MYRIP: variants seen among roughly 807,000 people sequenced by gnomAD.
MYRIP encodes myosin VIIA and Rab interacting protein.
MYRIP carries 49 observed loss-of-function variants against 98.0 expected under a neutral mutation model. The observed-to-expected ratio is 0.50, with a 90% CI of 0.40 to 0.63. The LOEUF is 0.63. Ranked by LOEUF, MYRIP falls within the 30% of genes least tolerant of loss-of-function variation. MYRIP has a pLI of 0.00. For missense variants in MYRIP, 1,004 were observed against 1,058.2 expected (o/e 0.95, Z 0.71); for synonymous variants, 404 against 409.5 (o/e 0.99, Z 0.16).
intron 3 of MYRIP, among the ~76,000 whole-genome samples, chr3:40,129,796 A>G (rs1489884578): frequency 6.6e-6 from 1 of 152,156 alleles, no homozygotes; most frequent in African/African-American, 2.4e-5. Flanking sequence ...CCTCCTTCTC[A>G]CAACTGTATT....
chr3:40,074,080 T>G (rs542283591), intron 3 of MYRIP, among the ~76,000 whole-genome samples: 1 of 150,282 alleles, frequency 6.7e-6, no homozygotes, highest in East Asian at 1.9e-4. Flanking sequence ...TTAGAAACTT[T>G]TTTTTTTTTT....
At chr3:40,013,359 C>T (rs540870317) in intron 2 of MYRIP, among the ~76,000 whole-genome samples, 2 of 152,256 alleles carry the variant, frequency 1.3e-5, no homozygotes, top group South Asian at 2.1e-4. Flanking sequence ...CTTTTATTCC[C>T]GTGGAAGGAA....
intron 3 of MYRIP, among the ~76,000 whole-genome samples, chr3:40,103,554 C>A (rs1025133603): frequency 2.0e-5 from 3 of 152,118 alleles, no homozygotes; most frequent in African/African-American, 7.2e-5. Context: ...AGGTCAGGAG[C>A]TCGAGACCAG....
intron 2 of MYRIP, among the ~76,000 whole-genome samples, chr3:39,971,779 T>C (rs955810631): frequency 6.6e-5 from 10 of 152,108 alleles, no homozygotes; most frequent in African/African-American, 2.4e-4. Flanking sequence ...TTATTCCTTA[T>C]GACAAGCACT....
At chr3:39,998,224 G>C (rs1400053366) in intron 2 of MYRIP, among the ~76,000 whole-genome samples, 2 of 152,150 alleles carry the variant, frequency 1.3e-5, no homozygotes, top group African/African-American at 2.4e-5. Context: ...TATGCAATTA[G>C]GAAAAGAGGA....
At chr3:39,912,150 G>C (rs1944037518) in intron 2 of MYRIP, among the ~76,000 whole-genome samples, 1 of 152,080 alleles carries the variant, frequency 6.6e-6, no homozygotes, top group Admixed American at 6.6e-5. Flanking sequence ...CTCCCATTTT[G>C]TGTCAGCTTC....
At chr3:39,814,431 A>C (rs544391254) in intron 1 of MYRIP, among the ~76,000 whole-genome samples, 1 of 151,866 alleles carries the variant, frequency 6.6e-6, no homozygotes, top group South Asian at 2.1e-4. Context: ...TTACTGGCAA[A>C]ATTTTGTTTT....
intron 12 of MYRIP, among the ~76,000 whole-genome samples, chr3:40,236,719 C>T (rs901777820): frequency 1.3e-5 from 2 of 152,254 alleles, no homozygotes; most frequent in Non-Finnish European, 2.9e-5. Context: ...CATCAGTTGG[C>T]ATGGCCCTAG....
intron 11 of MYRIP, among the ~76,000 whole-genome samples, chr3:40,229,112 T>C (rs562141133): frequency 2.6e-5 from 4 of 152,218 alleles, no homozygotes; most frequent in Non-Finnish European, 5.9e-5. Context: ...ATATAGCTAC[T>C]GTTTAGAATG....
intron 1 of MYRIP, among the ~76,000 whole-genome samples, chr3:39,840,515 T>C (rs1287696890): frequency 1.3e-5 from 2 of 152,216 alleles, no homozygotes; most frequent in Non-Finnish European, 2.9e-5. Context: ...GTCATTATGA[T>C]ATTATGCTAG....
At position 40,190,042 on chromosome 3, in the gene MYRIP, G is replaced by C; in HGVS notation, c.1244G>C (p.Arg415Pro). The change falls in exon 10 of 17, where the codon CGG becomes CCG. Residue 415 changes from arginine (R) to proline (P), a missense_variant. This residue lies in a region of MYRIP where 880 missense variants were observed against 907.7 expected (regional missense o/e 0.97). Coordinates refer to ENST00000302541, the MANE Select transcript of MYRIP (RefSeq NM_015460.4). ...EALSKLCPRS[R>P]ALPRNPQPQP... ...TTGAGCAAGCTGTGTCCCAGGTCCC[G>C]GGCCCTGCCCAGGAACCCCCAGCCT... 3 of 1,613,996 alleles carry C rather than the reference G, an allele frequency of 1.9e-6. No homozygotes were observed. The highest frequency in any genetic ancestry group is 1.3e-5 in the African/African-American group (1 of 75,024).
intron 3 of MYRIP, among the ~76,000 whole-genome samples, chr3:40,120,419 T>A (rs1305720991): frequency 3.3e-5 from 5 of 152,132 alleles, no homozygotes; most frequent in African/African-American, 9.7e-5. Flanking sequence ...TGTACATAAT[T>A]TTGATATGAA....
chr3:40,170,851 A>T (rs1950596690), intron 8 of MYRIP, among the ~76,000 whole-genome samples: 1 of 152,162 alleles, frequency 6.6e-6, no homozygotes, highest in Non-Finnish European at 1.5e-5. Context: ...TGGGAAAGGC[A>T]AGGCCAGGGG....
chr3:39,989,117 G>A (rs1015349324), intron 2 of MYRIP, among the ~76,000 whole-genome samples: 5 of 151,818 alleles, frequency 3.3e-5, no homozygotes, highest in Admixed American at 6.6e-5. Flanking sequence ...GATTTTCAGC[G>A]TTTTTTTCGT....
rs1052187558 is a variant in MYRIP at position 40,259,442 on chromosome 3, G to A, written c.*1276G>A. On this transcript the variant is annotated 3_prime_UTR_variant, in exon 17 of 17. Transcript: ENST00000302541. ...AAGTGCCTGCTCTGAAGGAGGCAAT[G>A]TTCTTCTCATTTGAATCCTTATGGC... The A allele has an allele frequency of 1.8e-4, 27 of 152,178 alleles. No individual in the cohort carries two copies. The highest frequency in any genetic ancestry group is 1.8e-4 in the Non-Finnish European group (12 of 68,026). The allele number at this position is 152,178 out of a possible 1,614,324, so 9.4% of individuals were successfully genotyped here.
At chr3:40,178,209 G>C (rs947438318) in intron 8 of MYRIP, among the ~76,000 whole-genome samples, 1 of 152,184 alleles carries the variant, frequency 6.6e-6, no homozygotes, top group African/African-American at 2.4e-5. Flanking sequence ...TGATGATGAT[G>C]ATAATCATAG....
chr3:40,109,414 A>G (rs971821142), intron 3 of MYRIP, among the ~76,000 whole-genome samples: 1 of 152,162 alleles, frequency 6.6e-6, no homozygotes, highest in Admixed American at 6.5e-5. Context: ...ACAATGTAAG[A>G]GAGAGGGAAG....
chr3:40,000,790 A>G (rs1575453951), intron 2 of MYRIP, among the ~76,000 whole-genome samples: 2 of 152,314 alleles, frequency 1.3e-5, no homozygotes, highest in South Asian at 4.1e-4. Flanking sequence ...TGGGAAGCCC[A>G]CAGCCACCAA....
chr3:39,948,547 A>G (rs1944946667), intron 2 of MYRIP, among the ~76,000 whole-genome samples: 1 of 152,168 alleles, frequency 6.6e-6, no homozygotes, highest in Admixed American at 6.6e-5. Context: ...TAACACACAT[A>G]TTACATAGCA....
Sources: allele counts gnomAD v4.1 joint callset (sites outside exome capture counted in the v4.1 genomes callset), GRCh38; gene constraint gnomAD v4.1.1; regional missense constraint gnomAD v4.1.1; transcripts MANE v1.5; gene names NCBI Gene and HGNC (gene_info 2026-07-23, HGNC 2026-07-21).